Variants in NRXN1 observed in about 807,000 individuals in gnomAD.
NRXN1 encodes the protein neurexin 1.
In NRXN1, 39 loss-of-function variants were observed where a neutral mutation model predicts 150.9. That is an observed-to-expected ratio of 0.26 (90% confidence interval 0.20 to 0.34). The LOEUF (loss-of-function observed/expected upper bound fraction) is 0.34. Among genes scored for constraint, NRXN1 ranks in the 10% least tolerant of loss-of-function variants. The pLI, the probability that NRXN1 is intolerant of heterozygous loss-of-function variation, is 1.00. For synonymous variants in NRXN1, 924 were observed against 757.0 expected (o/e 1.22, Z -3.62); for missense variants, 1,815 against 1,949.9 (o/e 0.93, Z 1.30).
At chr2:50,696,405 A>G (rs1692873148) in intron 5 of NRXN1, 1 of 152,606 alleles carries the variant, frequency 6.6e-6, no homozygotes, top group Non-Finnish European at 1.5e-5. Context: ...TAATATTCTG[A>G]TGGAGAGTTA....
chr2:50,166,281 G>GTC (rs2152794713), intron 18 of NRXN1, among the ~76,000 whole-genome samples: 1 of 30,256 alleles, frequency 3.3e-5, no homozygotes, highest in African/African-American at 1.6e-4. Context: ...CTCAACGTAT[G>GTC]TGTGTGTGTG....
At chr2:50,250,305 T>C (rs551122096) in intron 17 of NRXN1, among the ~76,000 whole-genome samples, 13 of 152,270 alleles carry the variant, frequency 8.5e-5, no homozygotes, top group African/African-American at 3.1e-4. Context: ...TAAAATTTAA[T>C]ATGGCTCTGA....
At chr2:50,820,889 T>C (rs543223672) in intron 5 of NRXN1, among the ~76,000 whole-genome samples, 16 of 152,232 alleles carry the variant, frequency 1.1e-4, no homozygotes, top group Admixed American at 6.5e-4. Context: ...GTGTTATAGA[T>C]TATGGAGAGG....
chr2:49,940,245 A>G (rs990084209), intron 22 of NRXN1, among the ~76,000 whole-genome samples: 1 of 152,206 alleles, frequency 6.6e-6, no homozygotes, highest in African/African-American at 2.4e-5. Flanking sequence ...CCCAAGGACT[A>G]GCAAATGTGC....
chr2:50,469,828 C>A (rs2089288792), intron 16 of NRXN1, among the ~76,000 whole-genome samples: 1 of 150,590 alleles, frequency 6.6e-6, no homozygotes, highest in Non-Finnish European at 1.5e-5. Context: ...AAGGAAAGAA[C>A]CAATGCCATA....
intron 18 of NRXN1, among the ~76,000 whole-genome samples, chr2:50,129,057 G>A (rs912544057): frequency 6.6e-6 from 1 of 151,996 alleles, no homozygotes; most frequent in Admixed American, 6.6e-5. Context: ...GAAGCAAACT[G>A]ATCCTCAAGG....
At chr2:50,830,239 G>A (rs1178789648) in intron 5 of NRXN1, among the ~76,000 whole-genome samples, 1 of 152,004 alleles carries the variant, frequency 6.6e-6, no homozygotes, top group Non-Finnish European at 1.5e-5. Flanking sequence ...AAAAGGAATT[G>A]AAATTTCAGA....
At chr2:50,656,855 G>C (rs1354246299) in intron 5 of NRXN1, among the ~76,000 whole-genome samples, 1 of 151,936 alleles carries the variant, frequency 6.6e-6, no homozygotes, top group Non-Finnish European at 1.5e-5. Context: ...TAATTCACTG[G>C]TTATAAAAGG....
intron 18 of NRXN1, among the ~76,000 whole-genome samples, chr2:50,192,562 C>CTA (rs1484671521): frequency 1.3e-5 from 2 of 149,734 alleles, no homozygotes; most frequent in Non-Finnish European, 3.0e-5. Context: ...AAAATGATAC[C>CTA]TATATATCCA....
intron 16 of NRXN1, among the ~76,000 whole-genome samples, chr2:50,467,518 C>A (rs899771539): frequency 1.3e-5 from 2 of 151,408 alleles, no homozygotes; most frequent in African/African-American, 4.8e-5. Context: ...AAAATGGCTT[C>A]TAAACATGTA....
intron 18 of NRXN1, among the ~76,000 whole-genome samples, chr2:50,200,953 G>C (rs986241147): frequency 6.6e-6 from 1 of 151,786 alleles, no homozygotes; most frequent in Non-Finnish European, 1.5e-5. Flanking sequence ...GCTATAAATC[G>C]ACTTCTGAAA....
chr2:51,006,728 C>T (rs1700776250), intron 2 of NRXN1, among the ~76,000 whole-genome samples: 1 of 151,846 alleles, frequency 6.6e-6, no homozygotes, highest in Non-Finnish European at 1.5e-5. Context: ...AACATCTTGC[C>T]TCTGTGCACT....
intron 21 of NRXN1, among the ~76,000 whole-genome samples, chr2:49,963,673 G>C (rs563200687): frequency 1.3e-5 from 2 of 152,276 alleles, no homozygotes; most frequent in South Asian, 4.1e-4. Context: ...TGTGCCGTTA[G>C]AAGATCCCTC....
At chr2:50,288,023 T>C (rs1265241133) in intron 17 of NRXN1, among the ~76,000 whole-genome samples, 1 of 152,162 alleles carries the variant, frequency 6.6e-6, no homozygotes, top group African/African-American at 2.4e-5. Flanking sequence ...AATAAAAGTA[T>C]GTATTATTGA....
intron 19 of NRXN1, among the ~76,000 whole-genome samples, chr2:50,079,701 AG>A (rs1419135719): frequency 6.6e-6 from 1 of 152,214 alleles, no homozygotes; most frequent in Admixed American, 6.5e-5. Flanking sequence ...TATTCTATTG[AG>A]TTTAAAATAC....
rs115865195 is a variant in NRXN1, at chr2:50,772,918, G to C, written c.832+148951C>G. Among the ~76,000 whole-genome samples the C allele has an allele frequency of 7.2e-3, 1,090 of 152,138 alleles. 12 individuals carry two copies. Among genetic ancestry groups the C allele is most frequent in the African/African-American group, 0.025 (1,049 of 41,534 alleles). On this transcript the variant is annotated intron_variant, in intron 5 of 22. Coordinates refer to ENST00000401669, the MANE Select transcript of NRXN1 (RefSeq NM_001330078.2). ...GGCTAAACTCAATGCCCTACAAAGAGAAACAAAAGGAGGAGCCTCGTCCAT... is the reference window on the plus strand; with the variant it reads ...GGCTAAACTCAATGCCCTACAAAGACAAACAAAAGGAGGAGCCTCGTCCAT...
chr2:50,434,188 T>A (rs939638709), intron 17 of NRXN1, among the ~76,000 whole-genome samples: 3 of 151,330 alleles, frequency 2.0e-5, no homozygotes, highest in Admixed American at 2.0e-4. Context: ...GCCTCCCAAG[T>A]AGCTGGGACT....
intron 18 of NRXN1, among the ~76,000 whole-genome samples, chr2:50,153,767 C>T (rs1388728563): frequency 6.6e-6 from 1 of 151,802 alleles, no homozygotes; most frequent in Non-Finnish European, 1.5e-5. Flanking sequence ...AAATCCTCCT[C>T]TTAGCTGGAG....
At chr2:50,463,012 T>C (rs189274191) in intron 17 of NRXN1, among the ~76,000 whole-genome samples, 1 of 151,880 alleles carries the variant, frequency 6.6e-6, no homozygotes, top group African/African-American at 2.4e-5. Flanking sequence ...AATTGGAGGC[T>C]GCAATCACAG....
Sources: allele counts gnomAD v4.1 joint callset (sites outside exome capture counted in the v4.1 genomes callset), GRCh38; gene constraint gnomAD v4.1.1; transcripts MANE v1.5; gene names NCBI Gene and HGNC (gene_info 2026-07-23, HGNC 2026-07-21).